The following MYO1B variants were observed in gnomAD, a reference collection of about 807,000 sequenced individuals.
MYO1B encodes the protein unconventional myosin-Ib.
Under a neutral mutation model 159.7 loss-of-function variants are expected in MYO1B, and 72 were observed. The ratio of observed to expected loss-of-function variants is 0.45; its 90% confidence interval spans 0.37 to 0.55. The LOEUF (loss-of-function observed/expected upper bound fraction) is 0.55. Ranked by LOEUF, MYO1B falls within the 20% of genes least tolerant of loss-of-function variation. The pLI, the probability that MYO1B is intolerant of heterozygous loss-of-function variation, is 0.00. For synonymous variants in MYO1B, 468 were observed against 473.8 expected (o/e 0.99, Z 0.16); for missense variants, 1,062 against 1,364.8 (o/e 0.78, Z 3.50).
chr2:191,402,755 C>A, intron 24 of MYO1B, 37 bp downstream of exon 24: 2 of 1,533,858 alleles, frequency 1.3e-6, no homozygotes, highest in Non-Finnish European at 8.9e-7. Context: ...CCAGGGTGAA[C>A]TTCATAAAGC....
At chr2:191,263,323 T>C (rs1686936904) in intron 1 of MYO1B, 1 of 985,124 alleles carries the variant, frequency 1.0e-6, no homozygotes. Context: ...GTCTCTCTCT[T>C]TCATATGAAC....
intron 24 of MYO1B, 26 bp from the exon 25 acceptor site, chr2:191,408,089 C>T: frequency 1.3e-6 from 2 of 1,550,178 alleles, no homozygotes; most frequent in Non-Finnish European, 1.8e-6. Context: ...ACATTAACCA[C>T]TGTAACCTAC....
chr2:191,290,523 T>C (rs765861659), intron 2 of MYO1B, among the ~76,000 whole-genome samples: 1 of 152,220 alleles, frequency 6.6e-6, no homozygotes, highest in Non-Finnish European at 1.5e-5. Flanking sequence ...GTAAAAAATA[T>C]TAGAATCGAA....
intron 27 of MYO1B, among the ~76,000 whole-genome samples, chr2:191,412,547 A>G (rs1015697867): frequency 3.9e-5 from 6 of 152,230 alleles, no homozygotes; most frequent in African/African-American, 9.6e-5. Context: ...CCACCCTGCA[A>G]AGTGGCAGCT....
At chr2:191,253,185 C>T (rs933148496) in intron 1 of MYO1B, among the ~76,000 whole-genome samples, 2 of 152,208 alleles carry the variant, frequency 1.3e-5, no homozygotes, top group South Asian at 2.1e-4. Context: ...AAAGACTTCT[C>T]CTGGCCTTCA....
intron 2 of MYO1B, among the ~76,000 whole-genome samples, chr2:191,292,643 A>G (rs981902990): frequency 1.3e-5 from 2 of 151,752 alleles, no homozygotes; most frequent in African/African-American, 4.9e-5. Flanking sequence ...GAGAGGTATA[A>G]TGAGGCATGT....
In MYO1B at chr2:191,270,148, T is replaced by A. The variant is rs182298450; in HGVS notation, c.-9-6739T>A. 2.7e-3 allele frequency among the ~76,000 whole-genome samples: 412 copies of A among 152,238 alleles called. 2 individuals are homozygous for A. The highest frequency in any genetic ancestry group is 4.9e-3 in the Non-Finnish European group (330 of 68,018). ...CGCCACAATTTCAGCTCCTGAGGAA[T>A]GATGTCACATTCCTACCTTGAGACA... On this transcript the variant is annotated intron_variant, in intron 1 of 30. Coordinates refer to ENST00000392318, the MANE Select transcript of MYO1B (RefSeq NM_001130158.3).
chr2:191,423,000 A>G (rs1698038315), intron 30 of MYO1B, among the ~76,000 whole-genome samples: 1 of 152,240 alleles, frequency 6.6e-6, no homozygotes, highest in Admixed American at 6.5e-5. Flanking sequence ...CATTGATACA[A>G]TTCTGTGTAA....
chr2:191,326,815 T>TGTGC lies in MYO1B; in HGVS notation c.252-3119_252-3118insTGCG, dbSNP rs1193696593. 1.6e-3 allele frequency among the ~76,000 whole-genome samples: 231 copies of TGTGC among 143,954 alleles called. 2 individuals are homozygous for TGTGC. The highest frequency in any genetic ancestry group is 4.9e-3 in the East Asian group (24 of 4,852). The allele number at this position is 143,954 out of a possible 152,430, so 94.4% of individuals were successfully genotyped here. On this transcript the variant is annotated intron_variant, in intron 3 of 30. Transcript: ENST00000392318. ...GTGTGTGTGTGTGTGTGTGTGTGTG[T>TGTGC]GCGCGCGCCATATATGTTACTCATT...
chr2:191,400,839 C>G lies in MYO1B; in HGVS notation c.2469+4C>G. 6.2e-7 allele frequency: 1 copy of G among 1,612,900 alleles called. No homozygotes were observed. Among genetic ancestry groups the G allele is most frequent in the Non-Finnish European group, 8.5e-7 (1 of 1,179,040 alleles). ...GGCTTACTGGCTTGGATCTAAGGTA[C>G]TTGATGCACATATCCCAACACTCCA... On this transcript the variant is annotated splice_donor_region_variant and intron_variant, in intron 23 of 30. Transcript: ENST00000392318.
At chr2:191,247,838 T>G in intron 1 of MYO1B, 1 of 764,282 alleles carries the variant, frequency 1.3e-6, no homozygotes, top group Non-Finnish European at 1.6e-6. Context: ...CTCTGGCCGT[T>G]CTGGTGGATG....
intron 1 of MYO1B, among the ~76,000 whole-genome samples, chr2:191,273,649 G>A (rs1687588869): frequency 6.6e-6 from 1 of 152,198 alleles, no homozygotes; most frequent in Middle Eastern, 3.2e-3. Context: ...ATGAGAATAT[G>A]TTGATTGACT....
intron 7 of MYO1B, among the ~76,000 whole-genome samples, chr2:191,357,207 C>T (rs1693349764): frequency 6.6e-6 from 1 of 152,192 alleles, no homozygotes; most frequent in African/African-American, 2.4e-5. Context: ...AAACTTCATC[C>T]TCCAGTAGGT....
intron 25 of MYO1B, 148 bp from the exon 26 acceptor site, chr2:191,408,896 A>G: frequency 7.6e-6 from 6 of 791,072 alleles, no homozygotes; most frequent in Non-Finnish European, 1.2e-5. Context: ...AGAGTGGAGT[A>G]GAGACTTCCC....
At chr2:191,282,477 T>C (rs1574331615) in intron 2 of MYO1B, among the ~76,000 whole-genome samples, 1 of 152,210 alleles carries the variant, frequency 6.6e-6, no homozygotes, top group East Asian at 1.9e-4. Context: ...TTTATAAAAT[T>C]TTCCTTTAAA....
At chr2:191,310,046 G>T (rs1689900345) in intron 3 of MYO1B, among the ~76,000 whole-genome samples, 1 of 152,204 alleles carries the variant, frequency 6.6e-6, no homozygotes, top group African/African-American at 2.4e-5. Context: ...AGAAGACATG[G>T]TTTTGTCTTT....
At chr2:191,405,497 G>A (rs1270302783) in intron 24 of MYO1B, among the ~76,000 whole-genome samples, 1 of 152,184 alleles carries the variant, frequency 6.6e-6, no homozygotes, top group Admixed American at 6.5e-5. Flanking sequence ...AGATCCACCA[G>A]AGGAATCACT....
At chr2:191,395,932 A>G (rs1382788517) in intron 20 of MYO1B, among the ~76,000 whole-genome samples, 3 of 152,220 alleles carry the variant, frequency 2.0e-5, no homozygotes, top group Non-Finnish European at 4.4e-5. Context: ...TAAATATTTA[A>G]TTGATTGATA....
chr2:191,338,136 G>A (rs574534456), intron 4 of MYO1B, among the ~76,000 whole-genome samples: 13 of 115,714 alleles, frequency 1.1e-4, no homozygotes, highest in Non-Finnish European at 2.1e-4. Flanking sequence ...TCAAGTATAT[G>A]TCAGGAAAAA....
Sources: gnomAD v4.1 joint callset for allele counts (sites outside exome capture counted in the v4.1 genomes callset) on GRCh38, gnomAD v4.1.1 for gene constraint, MANE v1.5 for transcripts, NCBI Gene and HGNC (gene_info 2026-07-23, HGNC 2026-07-21) for gene names.